PLPPR5: variants seen among roughly 807,000 people sequenced by gnomAD.
The protein encoded by PLPPR5 is phospholipid phosphatase-related protein type 5.
In PLPPR5, 16 loss-of-function variants were observed where a neutral mutation model predicts 33.9. The observed-to-expected ratio is 0.47, with a 90% CI of 0.32 to 0.72. PLPPR5 has a LOEUF of 0.72. Ranked by LOEUF, PLPPR5 falls within the 30% of genes least tolerant of loss-of-function variation. The pLI is 0.03. For missense variants in PLPPR5, 301 were observed against 406.7 expected, an observed-to-expected ratio of 0.74 and a Z score of 2.23; for synonymous variants, 163 against 150.3, an observed-to-expected ratio of 1.08 and a Z score of -0.62.
intron 5 of PLPPR5, among the ~76,000 whole-genome samples, chr1:98,897,925 A>G (rs1557661054): frequency 6.6e-6 from 1 of 152,164 alleles, no homozygotes; most frequent in Non-Finnish European, 1.5e-5. Context: ...AGTTACTTAT[A>G]AAAGCCACAG....
intron 1 of PLPPR5, chr1:98,991,386 A>C (rs1349109048): frequency 6.6e-6 from 1 of 152,178 alleles, no homozygotes; most frequent in African/African-American, 2.4e-5. Flanking sequence ...TAGCATGCAA[A>C]ATAGGTACAC....
chr1:98,969,603 C>T (rs1159770003), intron 1 of PLPPR5, among the ~76,000 whole-genome samples: 1 of 151,956 alleles, frequency 6.6e-6, no homozygotes, highest in South Asian at 2.1e-4. Flanking sequence ...CTATACTTTT[C>T]CTCACTGGAC....
chr1:98,970,453 G>T (rs1651619145), intron 1 of PLPPR5, among the ~76,000 whole-genome samples: 1 of 151,706 alleles, frequency 6.6e-6, no homozygotes, highest in African/African-American at 2.4e-5. Context: ...AATACACAAT[G>T]GGAAATATAT....
chr1:99,004,647 T>G lies in PLPPR5; in HGVS notation c.25A>C (p.Thr9Pro). ...ATCTGGAAATAGAGCATGCTGCTGG[T>G]GAGCGCCGCGGGCAGCAGGGGCATG... The part of the protein sequence containing the change: MPLLPAAL[T>P]SSMLYFQMVI... Residue 9 changes from threonine (T) to proline (P), a missense_variant, in exon 1 of 6, where the codon ACC (threonine) becomes CCC (proline). Coordinates refer to ENST00000263177, the MANE Select transcript of PLPPR5 (RefSeq NM_001037317.2). 3 of 1,611,812 alleles carry G rather than the reference T, an allele frequency of 1.9e-6. No homozygotes were observed. Among genetic ancestry groups the G allele is most frequent in the Non-Finnish European group, 2.5e-6 (3 of 1,179,362 alleles).
At position 98,891,461 on chromosome 1, in the gene PLPPR5, G is replaced by A. The variant is rs948718615; in HGVS notation, c.*1611C>T. 2 of 152,038 alleles carry A rather than the reference G, an allele frequency of 1.3e-5. No homozygotes were observed. The highest frequency in any genetic ancestry group is 4.8e-5 in the African/African-American group (2 of 41,422). The allele number at this position is 152,038 out of a possible 1,614,324, so 9.4% of individuals were successfully genotyped here. On this transcript the variant is annotated 3_prime_UTR_variant, in exon 6 of 6. Transcript: ENST00000263177. The stretch of plus-strand genomic sequence containing the variant: ...GCCATATAAGCCAAAGTTACTTAGG[G>A]TAGTTTTAATTATTGCAAAGTTATT...
chr1:98,953,339 A>G lies in PLPPR5; in HGVS notation c.371-19T>C. ...TAAATTCCTGGGGAAGAAAACAAAT[A>G]ATTTTAACTTCTTGCTTGTGTGTGT... On this transcript the variant is annotated intron_variant, in intron 2 of 5. Coordinates refer to ENST00000263177, the MANE Select transcript of PLPPR5 (RefSeq NM_001037317.2). 1 of 1,603,436 alleles carries G rather than the reference A, an allele frequency of 6.2e-7. No homozygotes were observed.
chr1:98,913,267 T>C (rs1352778918), intron 5 of PLPPR5, among the ~76,000 whole-genome samples: 1 of 152,238 alleles, frequency 6.6e-6, no homozygotes, highest in Admixed American at 6.5e-5. Flanking sequence ...AAAACATTAA[T>C]TCACTCATTT....
At chr1:98,924,251 AG>A in intron 3 of PLPPR5, among the ~76,000 whole-genome samples, 2 of 152,302 alleles carry the variant, frequency 1.3e-5, no homozygotes, top group Non-Finnish European at 2.9e-5. Flanking sequence ...TCCATTTTAT[AG>A]GTTAAAAACT....
At chr1:99,001,671 G>GATAGATATATATATAGAT (rs1247519605) in intron 1 of PLPPR5, among the ~76,000 whole-genome samples, 6 of 102,196 alleles carry the variant, frequency 5.9e-5, no homozygotes, top group Non-Finnish European at 1.1e-4. Context: ...GAAAGTTAAA[G>GATAGATATATATATAGAT]ATATATATAT....
At chr1:98,918,850 C>T (rs1570696737) in intron 4 of PLPPR5, among the ~76,000 whole-genome samples, 1 of 152,274 alleles carries the variant, frequency 6.6e-6, no homozygotes, top group East Asian at 1.9e-4. Flanking sequence ...TTTAATCATT[C>T]CTTCATGTAT....
At chr1:98,939,205 C>T (rs1224940174) in intron 3 of PLPPR5, among the ~76,000 whole-genome samples, 4 of 150,898 alleles carry the variant, frequency 2.7e-5, no homozygotes, top group African/African-American at 7.3e-5. Flanking sequence ...TATACTTTAC[C>T]TATTCTTATC....
chr1:98,946,640 C>T (rs1040081782), intron 3 of PLPPR5, among the ~76,000 whole-genome samples: 2 of 152,108 alleles, frequency 1.3e-5, no homozygotes, highest in Admixed American at 6.6e-5. Context: ...AAGCACTTCC[C>T]GTGATGCTTG....
Position 98,901,294 on chromosome 1 carries a change from T to A in PLPPR5, c.934-8190A>T, listed in dbSNP as rs547989083. 2.6e-5 allele frequency among the ~76,000 whole-genome samples: 4 copies of A among 152,100 alleles called. No homozygotes were observed. In the South Asian group the frequency reaches 8.3e-4, roughly 32 times the overall value. ...ATCAGTGGTTTCTCGAAGTTGGAGATTGAAGGAGGGATGACTACAAAGGGG... is the reference window on the plus strand; with the variant it reads ...ATCAGTGGTTTCTCGAAGTTGGAGAATGAAGGAGGGATGACTACAAAGGGG... On this transcript the variant is annotated intron_variant, in intron 5 of 5. Transcript: ENST00000263177.
chr1:98,995,905 AAAT>A (rs1440664536), intron 1 of PLPPR5, among the ~76,000 whole-genome samples: 1 of 152,110 alleles, frequency 6.6e-6, no homozygotes, highest in Admixed American at 6.6e-5. Context: ...TATCTAGTAA[AAAT>A]AACCTAAAAG....
intron 1 of PLPPR5, among the ~76,000 whole-genome samples, chr1:98,964,155 C>T (rs1651351534): frequency 6.6e-6 from 1 of 152,190 alleles, no homozygotes; most frequent in Non-Finnish European, 1.5e-5. Flanking sequence ...TTCCAGGTCA[C>T]AGAAGCCAGA....
intron 4 of PLPPR5, among the ~76,000 whole-genome samples, chr1:98,918,040 C>A (rs981592735): frequency 6.6e-6 from 1 of 152,192 alleles, no homozygotes; most frequent in Non-Finnish European, 1.5e-5. Context: ...TCTCTCCTAC[C>A]AAGATGATAT....
At chr1:98,919,436 C>T (rs1277360361) in intron 4 of PLPPR5, among the ~76,000 whole-genome samples, 1 of 152,140 alleles carries the variant, frequency 6.6e-6, no homozygotes, top group Admixed American at 6.5e-5. Flanking sequence ...ATTCTGCACA[C>T]ACTGCAAGAT....
intron 1 of PLPPR5, among the ~76,000 whole-genome samples, chr1:98,982,986 T>C (rs369506340): frequency 3.5e-4 from 54 of 152,170 alleles, no homozygotes; most frequent in African/African-American, 1.2e-3. Flanking sequence ...GCATAACCTT[T>C]GGGTTTGGGG....
chr1:98,973,617 T>A (rs1162005785), intron 1 of PLPPR5, among the ~76,000 whole-genome samples: 1 of 151,870 alleles, frequency 6.6e-6, no homozygotes, highest in Non-Finnish European at 1.5e-5. Flanking sequence ...ATAATATTAA[T>A]ACCAAGACAA....
Sources: gnomAD v4.1 joint callset for allele counts (sites outside exome capture counted in the v4.1 genomes callset) on GRCh38, gnomAD v4.1.1 for gene constraint, MANE v1.5 for transcripts, NCBI Gene and HGNC (gene_info 2026-07-23, HGNC 2026-07-21) for gene names.